Variants in KHDRBS2 observed in about 807,000 individuals in gnomAD.
KHDRBS2 encodes the protein KH RNA binding domain containing, signal transduction associated 2.
Under a neutral mutation model 44.3 loss-of-function variants are expected in KHDRBS2, and 26 were observed. The observed-to-expected ratio is 0.59, with a 90% CI of 0.43 to 0.81. The LOEUF (loss-of-function observed/expected upper bound fraction) is 0.81, where lower values mean the gene tolerates loss of function less well. Among genes scored for constraint, KHDRBS2 ranks in the 40% least tolerant of loss-of-function variants. The probability of loss-of-function intolerance (pLI) is 0.00; values close to 1 mark genes in which losing one functional copy is unlikely to be tolerated. For synonymous variants in KHDRBS2, 194 were observed against 151.1 expected (o/e 1.28, Z -2.08); for missense variants, 476 against 433.1 (o/e 1.10, Z -0.88).
intron 6 of KHDRBS2, among the ~76,000 whole-genome samples, chr6:61,802,207 C>G (rs576340218): frequency 1.8e-4 from 28 of 152,218 alleles, no homozygotes; most frequent in African/African-American, 6.5e-4. Flanking sequence ...CACAGCCTGA[C>G]TAACACTTTG....
At chr6:61,806,914 T>C (rs1486585354) in intron 6 of KHDRBS2, among the ~76,000 whole-genome samples, 1 of 152,170 alleles carries the variant, frequency 6.6e-6, no homozygotes, top group African/African-American at 2.4e-5. Flanking sequence ...TAAATTAAGC[T>C]TATATTGTAC....
At chr6:61,583,881 T>C in the KHDRBS2 span, among the ~76,000 whole-genome samples, 1 of 147,490 alleles carries the variant, frequency 6.8e-6, no homozygotes, top group Admixed American at 6.8e-5. Flanking sequence ...TTAAGTGAAC[T>C]ATAAAATGTT....
chr6:61,586,623 A>G, the KHDRBS2 span, among the ~76,000 whole-genome samples: 1 of 152,160 alleles, frequency 6.6e-6, no homozygotes, highest in Non-Finnish European at 1.5e-5. Flanking sequence ...AATCTATGAC[A>G]TTTGTAAAGA....
chr6:61,545,719 A>C, the KHDRBS2 span, among the ~76,000 whole-genome samples: 1 of 152,092 alleles, frequency 6.6e-6, no homozygotes, highest in Admixed American at 6.6e-5. Context: ...ACTATGTTGA[A>C]GCTCTATTTC....
Position 62,070,990 on chromosome 6 carries a change from C to T in KHDRBS2, c.220-22996G>A, listed in dbSNP as rs1287054858. On this transcript the variant is annotated intron_variant, in intron 2 of 8. Transcript: ENST00000281156. ...AAGTGTTCCTATTTCTCCACATCCT[C>T]TCCAGCACCTGTTGTTTCCTGAATT... Among the ~76,000 whole-genome samples, 4 of 152,178 alleles carry T rather than the reference C, an allele frequency of 2.6e-5. 1 individual carries two copies. Among genetic ancestry groups the T allele is most frequent in the Admixed American group, 6.5e-5 (1 of 15,278 alleles).
intron 2 of KHDRBS2, among the ~76,000 whole-genome samples, chr6:62,062,325 A>AT (rs1293388613): frequency 2.1e-5 from 3 of 142,856 alleles, no homozygotes; most frequent in South Asian, 2.3e-4. Flanking sequence ...CAGAATATAC[A>AT]TTTTTTTCAG....
At chr6:62,221,635 C>T (rs186004672) in intron 1 of KHDRBS2, among the ~76,000 whole-genome samples, 1 of 152,098 alleles carries the variant, frequency 6.6e-6, no homozygotes, top group Non-Finnish European at 1.5e-5. Context: ...CATTGGCTCA[C>T]CATACAAGAA....
At chr6:61,887,323 A>G (rs1044333737) in intron 6 of KHDRBS2, among the ~76,000 whole-genome samples, 1 of 152,194 alleles carries the variant, frequency 6.6e-6, no homozygotes, top group African/African-American at 2.4e-5. Flanking sequence ...GATAATGCTT[A>G]ATATTTTGTC....
chr6:61,550,102 T>C, the KHDRBS2 span, among the ~76,000 whole-genome samples: 3 of 152,132 alleles, frequency 2.0e-5, no homozygotes, highest in South Asian at 6.2e-4. Context: ...GTTATATGGG[T>C]AAATTGCATG....
intron 6 of KHDRBS2, among the ~76,000 whole-genome samples, chr6:61,736,683 G>A (rs1314167558): frequency 6.6e-6 from 1 of 151,800 alleles, no homozygotes; most frequent in Non-Finnish European, 1.5e-5. Context: ...TTGTCTTCAG[G>A]GCTCCAGGGC....
intron 2 of KHDRBS2, among the ~76,000 whole-genome samples, chr6:62,102,209 T>G (rs1036025135): frequency 6.6e-6 from 1 of 152,202 alleles, no homozygotes; most frequent in African/African-American, 2.4e-5. Context: ...TAAATATAAT[T>G]AGAGGGTTTC....
the KHDRBS2 span, among the ~76,000 whole-genome samples, chr6:61,584,108 A>T: frequency 2.4e-4 from 36 of 151,666 alleles, no homozygotes; most frequent in Non-Finnish European, 4.9e-4. Flanking sequence ...TTTCTCATAG[A>T]TGTCCTTAGA....
chr6:61,817,385 T>C (rs1175481297), intron 6 of KHDRBS2, among the ~76,000 whole-genome samples: 1 of 152,096 alleles, frequency 6.6e-6, no homozygotes, highest in African/African-American at 2.4e-5. Context: ...ATTAATTTCA[T>C]TGCTGTACCA....
At chr6:61,825,071 C>A (rs573273592) in intron 6 of KHDRBS2, among the ~76,000 whole-genome samples, 1 of 152,082 alleles carries the variant, frequency 6.6e-6, no homozygotes, top group Admixed American at 6.6e-5. Context: ...AGTTAATCTT[C>A]ATTTTAATAT....
chr6:62,179,167 T>C (rs1821748885), intron 1 of KHDRBS2, among the ~76,000 whole-genome samples: 1 of 151,606 alleles, frequency 6.6e-6, no homozygotes, highest in Admixed American at 6.6e-5. Flanking sequence ...TATTTTGGAG[T>C]AATATTACAT....
chr6:62,129,991 A>G (rs1223254744), intron 2 of KHDRBS2, among the ~76,000 whole-genome samples: 3 of 152,216 alleles, frequency 2.0e-5, no homozygotes, highest in Non-Finnish European at 1.5e-5. Flanking sequence ...TGCATCTTCT[A>G]CTGGACACGT....
intron 1 of KHDRBS2, among the ~76,000 whole-genome samples, chr6:62,182,269 C>A (rs1822470355): frequency 6.6e-6 from 1 of 151,928 alleles, no homozygotes; most frequent in Non-Finnish European, 1.5e-5. Context: ...TAGTCAAACT[C>A]ATAGAAGCAA....
Position 61,795,144 on chromosome 6 carries a change from C to CAAAAAAAAAA in KHDRBS2, c.811-62390_811-62381dup, listed in dbSNP as rs1166333660. Among the ~76,000 whole-genome samples, 21 of 59,670 alleles carry CAAAAAAAAAA rather than the reference C, an allele frequency of 3.5e-4. 1 individual carries two copies. The highest frequency in any genetic ancestry group is 1.2e-3 in the African/African-American group (19 of 16,196). 39.1% of individuals were successfully genotyped at this position (59,670 alleles called of 152,430 possible). A position where few individuals can be genotyped will look rare whatever the true frequency, so the allele number is the denominator to read the frequency against. On this transcript the variant is annotated intron_variant, in intron 6 of 8. Transcript: ENST00000281156. The stretch of plus-strand genomic sequence containing the variant: ...CTGGCAACAGAGCGAGACTCCGTCT[C>CAAAAAAAAAA]AAAAAAAAAAAAAAAAAAAAAAAAA...
intron 6 of KHDRBS2, among the ~76,000 whole-genome samples, chr6:61,772,470 A>G (rs186588327): frequency 5.3e-5 from 8 of 152,284 alleles, no homozygotes; most frequent in African/African-American, 1.9e-4. Flanking sequence ...ATAAAAAATG[A>G]CAAAGGGGAT....
Sources: allele counts gnomAD v4.1 joint callset (sites outside exome capture counted in the v4.1 genomes callset), GRCh38; gene constraint gnomAD v4.1.1; transcripts MANE v1.5; gene names NCBI Gene and HGNC (gene_info 2026-07-23, HGNC 2026-07-21).